Variants in FRY observed in about 807,000 individuals in gnomAD.
FRY encodes the protein FRY microtubule binding protein, also known as protein furry homolog.
Under a neutral mutation model 348.4 loss-of-function variants are expected in FRY, and 128 were observed. The observed-to-expected ratio is 0.37, with a 90% confidence interval of 0.32 to 0.43. The LOEUF (loss-of-function observed/expected upper bound fraction) is 0.43. FRY is among the 20% of genes least tolerant of loss of function. The pLI is 1.00. For missense variants in FRY, 2,736 were observed against 3,695.2 expected, an observed-to-expected ratio of 0.74 and a Z score of 6.73; for synonymous variants, 1,370 against 1,374.7, an observed-to-expected ratio of 1.00 and a Z score of 0.08.
intron 13 of FRY, among the ~76,000 whole-genome samples, chr13:32,149,332 G>C (rs1880654578): frequency 6.6e-6 from 1 of 151,718 alleles, no homozygotes; most frequent in Non-Finnish European, 1.5e-5. Context: ...GATTTTTAAT[G>C]TTAGAGAATA....
At chr13:32,289,782 A>G (rs778106504) in intron 59 of FRY, 39 bp downstream of exon 59, 2 of 1,046,472 alleles carry the variant, frequency 1.9e-6, no homozygotes, top group Admixed American at 3.4e-5. Context: ...TCCCACCACA[A>G]AAACCATTTC....
Position 32,179,871 on chromosome 13 carries a change from A to C in FRY, c.2996+72A>C, listed in dbSNP as rs1241148134. On this transcript the variant is annotated intron_variant, in intron 23 of 60. Coordinates refer to ENST00000542859, the MANE Select transcript of FRY (RefSeq NM_023037.3). ...TATTGTAGTTCCTTTATTAACTCAGATTTGAGTCTGTGTGTTGGCGTGTGC... is the reference window on the plus strand; with the variant it reads ...TATTGTAGTTCCTTTATTAACTCAGCTTTGAGTCTGTGTGTTGGCGTGTGC... 3 of 1,466,070 alleles carry C rather than the reference A, an allele frequency of 2.0e-6. No homozygotes were observed. In the African/African-American group the frequency reaches 4.2e-5, roughly 20 times the overall value. 90.8% of individuals were successfully genotyped at this position (1,466,070 alleles called of 1,614,324 possible).
At chr13:32,227,217 A>C (rs1885627811) in intron 39 of FRY, among the ~76,000 whole-genome samples, 1 of 152,254 alleles carries the variant, frequency 6.6e-6, no homozygotes, top group African/African-American at 2.4e-5. Context: ...GAATAGGTGT[A>C]CAAAGATTAT....
At chr13:32,116,963 CAT>C (rs990660751) in intron 3 of FRY, among the ~76,000 whole-genome samples, 3 of 152,082 alleles carry the variant, frequency 2.0e-5, no homozygotes, top group African/African-American at 7.2e-5. Context: ...TAACTGTATT[CAT>C]ATATTTATAC....
chr13:32,134,307 C>G (rs146608897), intron 8 of FRY, among the ~76,000 whole-genome samples: 79 of 152,294 alleles, frequency 5.2e-4, no homozygotes, highest in Non-Finnish European at 7.5e-4. Flanking sequence ...CAGTAGTGTC[C>G]TTTCTTAAGG....
At chr13:32,219,050 A>G (rs1593758069) in intron 36 of FRY, among the ~76,000 whole-genome samples, 1 of 150,174 alleles carries the variant, frequency 6.7e-6, no homozygotes, top group Non-Finnish European at 1.5e-5. Flanking sequence ...AATTCAAACT[A>G]CCATCCACTC....
intron 28 of FRY, among the ~76,000 whole-genome samples, chr13:32,190,484 A>G (rs920818576): frequency 1.3e-5 from 2 of 152,162 alleles, no homozygotes; most frequent in African/African-American, 4.8e-5. Context: ...AAAGGTCAAA[A>G]TTAAAAATCA....
At chr13:32,061,872 A>G (rs1241664428) in intron 1 of FRY, among the ~76,000 whole-genome samples, 1 of 152,230 alleles carries the variant, frequency 6.6e-6, no homozygotes, top group African/African-American at 2.4e-5. Context: ...GGAAACATCC[A>G]TGACACAGAG....
At chr13:32,141,562 A>G (rs1880072844) in intron 11 of FRY, among the ~76,000 whole-genome samples, 2 of 152,244 alleles carry the variant, frequency 1.3e-5, no homozygotes, top group South Asian at 4.1e-4. Flanking sequence ...CAACTTCTTG[A>G]AGCCCACTTT....
At chr13:32,063,150 C>A (rs898117261) in intron 1 of FRY, among the ~76,000 whole-genome samples, 1 of 152,082 alleles carries the variant, frequency 6.6e-6, no homozygotes, top group Non-Finnish European at 1.5e-5. Context: ...CTTTAATTTG[C>A]GATGTTTATT....
intron 36 of FRY, 25 bp from the exon 37 acceptor site, chr13:32,224,210 C>T: frequency 6.2e-7 from 1 of 1,608,970 alleles, no homozygotes; most frequent in Non-Finnish European, 8.5e-7. Context: ...GAAAATAAAG[C>T]ACAGTTGTCT....
At chr13:32,101,454 T>C (rs1487759704) in intron 2 of FRY, among the ~76,000 whole-genome samples, 1 of 152,224 alleles carries the variant, frequency 6.6e-6, no homozygotes. Flanking sequence ...TCTTTCAAGA[T>C]ACTGATTTCA....
At chr13:32,242,523 A>G (rs1886569875) in intron 46 of FRY, among the ~76,000 whole-genome samples, 1 of 150,616 alleles carries the variant, frequency 6.6e-6, no homozygotes, top group Non-Finnish European at 1.5e-5. Context: ...TTATTTACTC[A>G]TGTTTTTTGT....
chr13:32,092,962 G>C (rs550118665), intron 2 of FRY, among the ~76,000 whole-genome samples: 2 of 152,124 alleles, frequency 1.3e-5, no homozygotes, highest in African/African-American at 4.8e-5. Context: ...GATGCATCAC[G>C]ACCTCCTGTT....
At chr13:32,157,186 C>A in intron 15 of FRY, 87 bp from the exon 16 acceptor site, 2 of 1,276,606 alleles carry the variant, frequency 1.6e-6, no homozygotes, top group South Asian at 1.2e-5. Flanking sequence ...ATAAGGTCTT[C>A]AGTAAAAAAT....
intron 18 of FRY, among the ~76,000 whole-genome samples, chr13:32,172,775 A>G (rs1382649768): frequency 1.3e-5 from 2 of 152,132 alleles, no homozygotes; most frequent in African/African-American, 4.8e-5. Flanking sequence ...TGCCAACACG[A>G]TAGGTAGAAA....
intron 1 of FRY, among the ~76,000 whole-genome samples, chr13:32,061,468 G>A (rs1873939980): frequency 6.6e-6 from 1 of 152,154 alleles, no homozygotes; most frequent in African/African-American, 2.4e-5. Flanking sequence ...GTATGACACT[G>A]CAGTAAAATT....
At chr13:32,099,827 G>T (rs925818810) in intron 2 of FRY, among the ~76,000 whole-genome samples, 3 of 151,876 alleles carry the variant, frequency 2.0e-5, no homozygotes, top group Middle Eastern at 3.2e-3. Context: ...AAAAAAAAAT[G>T]CTCTGCTGGA....
At chr13:32,111,518 G>A (rs942577010) in intron 3 of FRY, among the ~76,000 whole-genome samples, 3 of 151,976 alleles carry the variant, frequency 2.0e-5, no homozygotes, top group Admixed American at 6.6e-5. Flanking sequence ...AGGAGAAAGA[G>A]AAGAAGAGAG....
Sources: allele counts gnomAD v4.1 joint callset (sites outside exome capture counted in the v4.1 genomes callset), GRCh38; gene constraint gnomAD v4.1.1; transcripts MANE v1.5; gene names NCBI Gene and HGNC (gene_info 2026-07-23, HGNC 2026-07-21).